Variants in ARHGAP26 observed in about 807,000 individuals in gnomAD.
ARHGAP26 encodes Rho GTPase activating protein 26, also known as rho GTPase-activating protein 26.
ARHGAP26 carries 38 observed loss-of-function variants against 104.8 expected under a neutral mutation model. The ratio of observed to expected loss-of-function variants is 0.36; its 90% confidence interval spans 0.28 to 0.48. ARHGAP26 has a LOEUF of 0.48. Ranked by LOEUF, ARHGAP26 falls within the 20% of genes least tolerant of loss-of-function variation. The pLI, the probability that ARHGAP26 is intolerant of heterozygous loss-of-function variation, is 0.99. For synonymous variants in ARHGAP26, 341 were observed against 340.0 expected (o/e 1.00, Z -0.03); for missense variants, 704 against 947.9 (o/e 0.74, Z 3.38).
At chr5:143,216,213 A>T (rs1810331006) in intron 22 of ARHGAP26, 2 of 471,380 alleles carry the variant, frequency 4.2e-6, no homozygotes, top group Non-Finnish European at 8.8e-6. Flanking sequence ...TTCCACAGCC[A>T]TCTTCACTGC....
chr5:142,945,438 G>C (rs1766960478), intron 11 of ARHGAP26, among the ~76,000 whole-genome samples: 1 of 152,122 alleles, frequency 6.6e-6, no homozygotes, highest in East Asian at 1.9e-4. Context: ...TTGTGGCCTA[G>C]GTTAACTACT....
intron 22 of ARHGAP26, among the ~76,000 whole-genome samples, chr5:143,220,203 T>C (rs553414193): frequency 6.6e-6 from 1 of 152,362 alleles, no homozygotes; most frequent in Non-Finnish European, 1.5e-5. Context: ...GTCTGGCTGC[T>C]TTATTCTTTC....
intron 10 of ARHGAP26, among the ~76,000 whole-genome samples, chr5:142,927,176 T>A (rs1443313940): frequency 6.6e-6 from 1 of 152,118 alleles, no homozygotes; most frequent in Non-Finnish European, 1.5e-5. Flanking sequence ...TACTGAGGTG[T>A]AATCACAGTA....
intron 17 of ARHGAP26, among the ~76,000 whole-genome samples, chr5:143,094,150 T>C (rs1791922489): frequency 6.6e-6 from 1 of 152,236 alleles, no homozygotes; most frequent in Non-Finnish European, 1.5e-5. Context: ...TAAGGAATGC[T>C]TTACCGCCCC....
At chr5:142,908,069 G>A (rs1761357874) in intron 9 of ARHGAP26, among the ~76,000 whole-genome samples, 1 of 152,100 alleles carries the variant, frequency 6.6e-6, no homozygotes, top group Admixed American at 6.5e-5. Context: ...ACAATATCAA[G>A]CGTATCAAAT....
chr5:143,131,829 A>T (rs1274882686), intron 18 of ARHGAP26, among the ~76,000 whole-genome samples: 1 of 151,814 alleles, frequency 6.6e-6, no homozygotes, highest in Non-Finnish European at 1.5e-5. Context: ...TTTAAATGTC[A>T]ATGATAATGG....
At chr5:143,173,610 G>A (rs1803090479) in intron 20 of ARHGAP26, among the ~76,000 whole-genome samples, 1 of 152,190 alleles carries the variant, frequency 6.6e-6, no homozygotes, top group East Asian at 1.9e-4. Context: ...TGACAGGTGG[G>A]TATTGTTTTC....
At chr5:142,916,734 T>C (rs1368510236) in intron 10 of ARHGAP26, among the ~76,000 whole-genome samples, 1 of 152,194 alleles carries the variant, frequency 6.6e-6, no homozygotes, top group Non-Finnish European at 1.5e-5. Context: ...GACAGATTAC[T>C]TGACCAGGCA....
At chr5:143,024,259 C>A (rs1009069100) in intron 12 of ARHGAP26, among the ~76,000 whole-genome samples, 2 of 152,142 alleles carry the variant, frequency 1.3e-5, no homozygotes, top group Admixed American at 1.3e-4. Flanking sequence ...ACTCCTTGGA[C>A]TTGCATGGAT....
At chr5:143,079,239 A>G (rs1317951251) in intron 17 of ARHGAP26, among the ~76,000 whole-genome samples, 36 of 152,254 alleles carry the variant, frequency 2.4e-4, no homozygotes, top group Admixed American at 2.2e-3. Flanking sequence ...CAACCAAACA[A>G]GTTAGGTGGA....
intron 1 of ARHGAP26, among the ~76,000 whole-genome samples, chr5:142,843,123 T>C (rs1304470625): frequency 2.0e-5 from 3 of 152,206 alleles, no homozygotes; most frequent in Non-Finnish European, 4.4e-5. Flanking sequence ...TGGAAAAGCT[T>C]GCCATGAATG....
chr5:143,064,208 A>G (rs995624710), intron 17 of ARHGAP26, among the ~76,000 whole-genome samples: 1 of 151,812 alleles, frequency 6.6e-6, no homozygotes, highest in African/African-American at 2.4e-5. Context: ...TTAGTTCCTA[A>G]CAGTCCCTGT....
At chr5:142,921,139 C>T (rs1016539345) in intron 10 of ARHGAP26, among the ~76,000 whole-genome samples, 3 of 152,168 alleles carry the variant, frequency 2.0e-5, no homozygotes, top group Non-Finnish European at 4.4e-5. Context: ...TGATCTAGTC[C>T]CAACCTAGCA....
At chr5:142,904,141 C>T (rs1205237935) in intron 8 of ARHGAP26, among the ~76,000 whole-genome samples, 3 of 152,032 alleles carry the variant, frequency 2.0e-5, no homozygotes, top group Admixed American at 6.6e-5. Context: ...CTCCTCAACT[C>T]ATTTCATTCC....
chr5:142,884,972 C>G (rs111618546), intron 4 of ARHGAP26, among the ~76,000 whole-genome samples: 1 of 152,228 alleles, frequency 6.6e-6, no homozygotes, highest in South Asian at 2.1e-4. Context: ...CAACCCCTGG[C>G]TGCCTTCTGG....
intron 12 of ARHGAP26, among the ~76,000 whole-genome samples, chr5:143,015,231 C>T (rs1166873258): frequency 1.3e-5 from 2 of 152,140 alleles, no homozygotes; most frequent in Non-Finnish European, 1.5e-5. Flanking sequence ...CACCCTACCC[C>T]ACCCTTAATT....
intron 1 of ARHGAP26, among the ~76,000 whole-genome samples, chr5:142,842,495 T>G (rs532754910): frequency 9.2e-5 from 14 of 152,344 alleles, no homozygotes; most frequent in African/African-American, 3.1e-4. Context: ...ATTCTTAGGT[T>G]CAGCACCCAG....
intron 1 of ARHGAP26, among the ~76,000 whole-genome samples, chr5:142,825,564 G>C (rs900048083): frequency 2.6e-5 from 4 of 152,214 alleles, no homozygotes; most frequent in African/African-American, 9.7e-5. Context: ...CAGGCTCCTT[G>C]ATTTAATTTG....
At position 142,890,150 on chromosome 5, in the gene ARHGAP26, AAATATATATATATATATATAT is replaced by A. The variant is rs1173113516; in HGVS notation, c.487-4086_487-4066del. On this transcript the variant is annotated intron_variant, in intron 5 of 22. Coordinates refer to ENST00000645722, the MANE Select transcript of ARHGAP26 (RefSeq NM_001135608.3). ...AAACTCCGTCTTAAAAAAAAAAAAA[AAATATATATATATATATATAT>A]ATATATATATATATATATATATATA... is the stretch of plus-strand genomic sequence containing the variant. Among the ~76,000 whole-genome samples, 266 of 70,960 alleles carry A rather than the reference AAATATATATATATATATATAT, an allele frequency of 3.7e-3. 9 individuals are homozygous for A. The highest frequency in any genetic ancestry group is 0.016 in the African/African-American group (245 of 15,268). 46.6% of individuals were successfully genotyped at this position (70,960 alleles called of 152,430 possible). A position where few individuals can be genotyped will look rare whatever the true frequency, so the allele number is the denominator to read the frequency against.
Sources: gnomAD v4.1 joint callset for allele counts (sites outside exome capture counted in the v4.1 genomes callset) on GRCh38, gnomAD v4.1.1 for gene constraint, MANE v1.5 for transcripts, NCBI Gene and HGNC (gene_info 2026-07-23, HGNC 2026-07-21) for gene names.